TENM2: variants seen among roughly 807,000 people sequenced by gnomAD.
TENM2 encodes the protein teneurin transmembrane protein 2, also known as teneurin-2.
A neutral mutation model predicts 245.2 loss-of-function variants in TENM2; 52 were observed. The observed-to-expected ratio is 0.21, with a 90% CI of 0.17 to 0.27. The LOEUF (loss-of-function observed/expected upper bound fraction) is 0.27, where lower values mean the gene tolerates loss of function less well. TENM2 is among the 10% of genes least tolerant of loss of function. The pLI, the probability that TENM2 is intolerant of heterozygous loss-of-function variation, is 1.00. For synonymous variants in TENM2, 1,363 were observed against 1,438.9 expected, an observed-to-expected ratio of 0.95 and a Z score of 1.19; for missense variants, 3,046 against 3,666.8, an observed-to-expected ratio of 0.83 and a Z score of 4.37.
At chr5:168,157,272 A>G (rs1039214137) in intron 12 of TENM2, among the ~76,000 whole-genome samples, 3 of 152,190 alleles carry the variant, frequency 2.0e-5, no homozygotes, top group Non-Finnish European at 4.4e-5. Context: ...ACCAAAGCCT[A>G]AAGTGATATT....
Position 167,755,222 on chromosome 5 carries a change from G to A in TENM2, c.503-120764G>A, listed in dbSNP as rs769317658. On this transcript the variant is annotated intron_variant, in intron 2 of 28. Transcript: ENST00000518659. ...GGATGATGGATGTGCATGCAGATGG[G>A]GTTTTGCAAGCACCTGTCCTCACTG... 6 of 1,545,360 alleles carry A rather than the reference G, an allele frequency of 3.9e-6. No individual in the cohort carries two copies. In the African/African-American group the frequency reaches 4.1e-5, roughly 10 times the overall value.
chr5:168,215,325 C>T, intron 21 of TENM2, 53 bp downstream of exon 23: 2 of 1,482,282 alleles, frequency 1.3e-6, no homozygotes, highest in Admixed American at 1.7e-5. Flanking sequence ...TTGCCACCAG[C>T]TTGGCTTTCT....
intron 6 of TENM2, among the ~76,000 whole-genome samples, chr5:168,061,321 G>A (rs1790019065): frequency 6.6e-6 from 1 of 152,010 alleles, no homozygotes; most frequent in African/African-American, 2.4e-5. Context: ...TAATTCTGTG[G>A]TTGCAAGGGA....
At chr5:167,242,618 C>G in the TENM2 span, among the ~76,000 whole-genome samples, 2 of 152,158 alleles carry the variant, frequency 1.3e-5, no homozygotes, top group Non-Finnish European at 2.9e-5. Context: ...GATCCACTTT[C>G]ACTTAATGAA....
intron 7 of TENM2, among the ~76,000 whole-genome samples, chr5:168,088,880 G>C (rs1792687262): frequency 6.6e-6 from 1 of 152,166 alleles, no homozygotes; most frequent in Non-Finnish European, 1.5e-5. Flanking sequence ...GAGATTCCTG[G>C]AGTTTCATTC....
At chr5:167,887,340 G>A (rs1457736891) in intron 3 of TENM2, among the ~76,000 whole-genome samples, 2 of 152,204 alleles carry the variant, frequency 1.3e-5, no homozygotes, top group Admixed American at 1.3e-4. Context: ...GTAGAGATAC[G>A]CTCAAGAGCT....
chr5:167,440,386 G>A (rs1764813776), intron 2 of TENM2, among the ~76,000 whole-genome samples: 1 of 152,144 alleles, frequency 6.6e-6, no homozygotes, highest in African/African-American at 2.4e-5. Context: ...CAGCCCATTG[G>A]AAATGGCTTC....
At chr5:168,052,093 C>T (rs569375162) in intron 6 of TENM2, among the ~76,000 whole-genome samples, 26 of 151,900 alleles carry the variant, frequency 1.7e-4, no homozygotes, top group African/African-American at 6.0e-4. Flanking sequence ...GACCTCATCC[C>T]TATTTTTAAA....
At chr5:167,662,629 CTT>C (rs772184085) in intron 2 of TENM2, among the ~76,000 whole-genome samples, 3 of 152,188 alleles carry the variant, frequency 2.0e-5, no homozygotes, top group Non-Finnish European at 2.9e-5. Context: ...GAAAATGAAA[CTT>C]ATTATCATTT....
At chr5:167,089,298 A>G in the TENM2 span, among the ~76,000 whole-genome samples, 1 of 152,196 alleles carries the variant, frequency 6.6e-6, no homozygotes, top group Non-Finnish European at 1.5e-5. Flanking sequence ...AATTACTGTG[A>G]TAGCATATAA....
At chr5:167,190,640 A>AAG in the TENM2 span, among the ~76,000 whole-genome samples, 5 of 152,004 alleles carry the variant, frequency 3.3e-5, no homozygotes, top group African/African-American at 1.2e-4. Context: ...GTATCAGGAG[A>AAG]AGAGAGAGCC....
chr5:167,349,528 A>G lies in TENM2; in HGVS notation c.227-25670A>G, dbSNP rs942386566. On this transcript the variant is annotated intron_variant, in intron 1 of 28. Coordinates refer to ENST00000518659, the Ensembl canonical transcript of TENM2. ...TTACTCAAAAATTATTCTTGTTATTATTGTGTGCATGTATATATAGATACA... is the reference window on the plus strand; with the variant it reads ...TTACTCAAAAATTATTCTTGTTATTGTTGTGTGCATGTATATATAGATACA... 3.9e-5 allele frequency among the ~76,000 whole-genome samples: 6 copies of G among 152,060 alleles called. No individual in the cohort carries two copies. In the South Asian group the frequency reaches 8.3e-4, roughly 21 times the overall value.
chr5:168,171,519 A>G (rs578043053), intron 13 of TENM2, among the ~76,000 whole-genome samples: 1 of 152,348 alleles, frequency 6.6e-6, no homozygotes, highest in African/African-American at 2.4e-5. Flanking sequence ...TCAAAGACAA[A>G]ACTTTTCCAT....
At chr5:168,257,356 G>C (rs1370864178) in intron 27 of TENM2, among the ~76,000 whole-genome samples, 1 of 152,172 alleles carries the variant, frequency 6.6e-6, no homozygotes, top group Non-Finnish European at 1.5e-5. Context: ...GGGAGAGCAA[G>C]AGAGGCAGAG....
At chr5:168,075,860 A>G (rs1005117073) in intron 7 of TENM2, among the ~76,000 whole-genome samples, 1 of 152,208 alleles carries the variant, frequency 6.6e-6, no homozygotes, top group Admixed American at 6.5e-5. Context: ...GCGGCAGGCA[A>G]GAGAGCATTT....
intron 2 of TENM2, among the ~76,000 whole-genome samples, chr5:167,873,940 C>T (rs559655043): frequency 6.1e-4 from 93 of 152,148 alleles, no homozygotes; most frequent in Non-Finnish European, 1.0e-3. Context: ...AACATTTAAG[C>T]TTTAAGAGTA....
intron 2 of TENM2, among the ~76,000 whole-genome samples, chr5:167,525,542 T>G (rs769220110): frequency 2.0e-5 from 3 of 152,096 alleles, no homozygotes; most frequent in African/African-American, 7.2e-5. Context: ...GAAAATGAGA[T>G]GCCAATAATA....
intron 1 of TENM2, among the ~76,000 whole-genome samples, chr5:167,329,519 T>C (rs1352975191): frequency 2.6e-5 from 3 of 113,380 alleles, no homozygotes; most frequent in African/African-American, 1.0e-4. Flanking sequence ...GCCACTGCAA[T>C]CCAGCCTGTG....
chr5:167,632,289 G>T (rs1561620015), intron 2 of TENM2, among the ~76,000 whole-genome samples: 1 of 152,144 alleles, frequency 6.6e-6, no homozygotes, highest in Non-Finnish European at 1.5e-5. Context: ...AAGCATCTTG[G>T]ATCCAAATAT....
Sources: allele counts gnomAD v4.1 joint callset (sites outside exome capture counted in the v4.1 genomes callset), GRCh38; gene constraint gnomAD v4.1.1; transcripts MANE v1.5; gene names NCBI Gene and HGNC (gene_info 2026-07-23, HGNC 2026-07-21).